The following ACTN4 variants were observed in gnomAD, a reference collection of about 807,000 sequenced individuals.
The protein encoded by ACTN4 is actinin alpha 4, also known as alpha-actinin-4.
In ACTN4, 18 loss-of-function variants were observed where a neutral mutation model predicts 114.2. That is an observed-to-expected ratio of 0.16 (90% CI 0.11 to 0.23). The LOEUF (loss-of-function observed/expected upper bound fraction) is 0.23. Among genes scored for constraint, ACTN4 ranks in the 10% least tolerant of loss-of-function variants. The pLI is 1.00. For missense variants in ACTN4, 722 were observed against 1,262.9 expected, an observed-to-expected ratio of 0.57 and a Z score of 6.49; for synonymous variants, 515 against 506.3, an observed-to-expected ratio of 1.02 and a Z score of -0.23.
rs1269882430 is a variant in ACTN4, at chr19:38,727,284, C to T, written c.2337+181C>T. ...AGGTGTGCGGCACCAAGACCCCAGC[C>T]TGGGCCACTTCACACGCACAGGCAG... is the stretch of plus-strand genomic sequence containing the variant. On this transcript the variant is annotated intron_variant, in intron 18 of 20. Coordinates refer to ENST00000252699, the MANE Select transcript of ACTN4 (RefSeq NM_004924.6). This position sits in a 1 kb window ranked among gnomAD's most constrained non-coding sequence, Gnocchi z 5.4. Among the ~76,000 whole-genome samples, 1 of 152,172 alleles carries T rather than the reference C, an allele frequency of 6.6e-6. No individual in the cohort carries two copies. The highest frequency in any genetic ancestry group is 1.5e-5 in the Non-Finnish European group (1 of 68,006).
intron 1 of ACTN4, chr19:38,693,387 C>G (rs147042236): frequency 2.6e-5 from 4 of 152,610 alleles, no homozygotes; most frequent in African/African-American, 9.6e-5. Flanking sequence ...CCCTCCACCC[C>G]CTTCAGTTCT....
Position 38,730,013 on chromosome 19 carries a change from C to T in ACTN4, c.*581C>T, listed in dbSNP as rs1053973072. 4 of 267,592 alleles carry T rather than the reference C, an allele frequency of 1.5e-5. No individual in the cohort carries two copies. Among genetic ancestry groups the T allele is most frequent in the East Asian group, 1.1e-4 (1 of 9,108 alleles). 16.6% of individuals were successfully genotyped at this position (267,592 alleles called of 1,614,324 possible). ...GAGGAGCTGAGTTGGCAGACCGGGC[C>T]CCCCTGAACCGCACCCCATCCCACC... On this transcript the variant is annotated 3_prime_UTR_variant, in exon 21 of 21. Coordinates refer to ENST00000252699, the MANE Select transcript of ACTN4 (RefSeq NM_004924.6).
intron 1 of ACTN4, among the ~76,000 whole-genome samples, chr19:38,689,912 A>G (rs532630341): frequency 6.6e-6 from 1 of 152,162 alleles, no homozygotes; most frequent in Admixed American, 6.5e-5. Context: ...TGGATTTCCT[A>G]GGCCGACTAA....
rs1484520553 is a variant in ACTN4, at chr19:38,725,916, C to T, written c.2190+13C>T. The T allele has an allele frequency of 3.1e-6, 5 of 1,613,278 alleles. No individual in the cohort carries two copies. The highest frequency in any genetic ancestry group is 4.2e-6 in the Non-Finnish European group (5 of 1,180,048). ...CTATACCATGGAGGTGCGCGGCTGC[C>T]CCGCCCGCTGGCCTTTCCACCAGCA... On this transcript the variant is annotated intron_variant, in intron 17 of 20. Transcript: ENST00000252699.
At position 38,700,680 on chromosome 19, in the gene ACTN4, G is replaced by A. The variant is rs764622662; in HGVS notation, c.243G>A (p.Gly81=). 1 of 1,614,102 alleles carries A rather than the reference G, an allele frequency of 6.2e-7. No individual in the cohort carries two copies. The highest frequency in any genetic ancestry group is 1.1e-5 in the South Asian group (1 of 91,086). ...ACATTGATGAGGACTTCCGAGACGG[G>A]CTCAAGCTCATGCTGCTCCTGGAGG... is the stretch of plus-strand genomic sequence containing the variant. ...IENIDEDFRD[G]LKLMLLLEVI... The change falls in exon 2 of 21, where the codon GGG becomes GGA. Residue 81 remains glycine (G), a synonymous_variant. Transcript: ENST00000252699.
In ACTN4 at chr19:38,724,510, G is replaced by A. The variant is rs1181047009; in HGVS notation, c.1955G>A (p.Arg652His). ...CAGCAGTCCAACGAGCACCTGCGCCGCCAGTTCGCCAGCCAGGCCAATGTT... is the reference window on the plus strand; with the variant it reads ...CAGCAGTCCAACGAGCACCTGCGCCACCAGTTCGCCAGCCAGGCCAATGTT... ...SKQQSNEHLRRQFASQANVVG... is the reference protein window; with the variant it reads ...SKQQSNEHLRHQFASQANVVG... Residue 652 changes from arginine to histidine, a missense_variant, in exon 16 of 21, where the codon CGC becomes CAC. Physicochemically the swap from Arg to His is conservative, Grantham distance 29. This residue lies in a region of ACTN4 where 523 missense variants were observed against 875.9 expected (regional missense o/e 0.60). Coordinates refer to ENST00000252699, the MANE Select transcript of ACTN4 (RefSeq NM_004924.6). The surrounding 1 kb of genome is among the most constrained non-coding windows in gnomAD (Gnocchi z 7.0). 9 of 1,613,158 alleles carry A rather than the reference G, an allele frequency of 5.6e-6. No homozygotes were observed. Among genetic ancestry groups the A allele is most frequent in the Middle Eastern group, 1.6e-4 (1 of 6,080 alleles).
chr19:38,653,167 G>C (rs956272806), intron 1 of ACTN4, among the ~76,000 whole-genome samples: 2 of 151,972 alleles, frequency 1.3e-5, no homozygotes, highest in African/African-American at 4.8e-5. Context: ...GAGTTCTGCT[G>C]TTTCAACATA....
chr19:38,675,605 G>T (rs984956723), intron 1 of ACTN4, among the ~76,000 whole-genome samples: 7 of 152,228 alleles, frequency 4.6e-5, no homozygotes, highest in Non-Finnish European at 4.4e-5. Context: ...CTTGAGCCGC[G>T]TTCTTGATCG....
chr19:38,727,181 T>C lies in ACTN4; in HGVS notation c.2337+78T>C, dbSNP rs1969264230. 1.9e-6 allele frequency: 3 copies of C among 1,603,860 alleles called. No individual in the cohort carries two copies. The highest frequency in any genetic ancestry group is 3.4e-5 in the Admixed American group (2 of 59,308). ...GCCCACACCTTCGTCTCTGCATCTG[T>C]TCGTCCATTCCCATCACAGTTGCTG... On this transcript the variant is annotated intron_variant, in intron 18 of 20. Coordinates refer to ENST00000252699, the MANE Select transcript of ACTN4 (RefSeq NM_004924.6). The surrounding 1 kb of genome is among the most constrained non-coding windows in gnomAD (Gnocchi z 5.4).
In ACTN4 at chr19:38,729,544, C is replaced by A. The variant is rs1353019687; in HGVS notation, c.*112C>A. The A allele has an allele frequency of 3.4e-6, 1 of 293,772 alleles. No individual in the cohort carries two copies. Among genetic ancestry groups the A allele is most frequent in the Non-Finnish European group, 4.8e-6 (1 of 210,344 alleles). 18.2% of individuals were successfully genotyped at this position (293,772 alleles called of 1,614,324 possible). A position where few individuals can be genotyped will look rare whatever the true frequency, so the allele number is the denominator to read the frequency against. ...ATGCAAAGCACTCTCTGCAGTCCTCCGGGGTGGGTGGGTGGGCAGGGAGGG... is the reference window on the plus strand; with the variant it reads ...ATGCAAAGCACTCTCTGCAGTCCTCAGGGGTGGGTGGGTGGGCAGGGAGGG... On this transcript the variant is annotated 3_prime_UTR_variant, in exon 21 of 21. Coordinates refer to ENST00000252699, the MANE Select transcript of ACTN4 (RefSeq NM_004924.6).
chr19:38,708,065 C>G (rs758998622), intron 5 of ACTN4, 52 bp from the exon 6 acceptor site: 72 of 1,579,316 alleles, frequency 4.6e-5, no homozygotes, highest in Non-Finnish European at 5.8e-5. Flanking sequence ...CCATACGGCA[C>G]TCTCATGACA....
At chr19:38,653,413 TAA>T (rs764884569) in intron 1 of ACTN4, among the ~76,000 whole-genome samples, 27 of 140,576 alleles carry the variant, frequency 1.9e-4, no homozygotes, top group Non-Finnish European at 1.9e-4. Flanking sequence ...GGTTGTTCTT[TAA>T]AAAAAAAAAA....
chr19:38,722,059 C>T (rs1969063642), intron 12 of ACTN4, among the ~76,000 whole-genome samples: 1 of 152,230 alleles, frequency 6.6e-6, no homozygotes, highest in Non-Finnish European at 1.5e-5. Flanking sequence ...CCATAGGTCC[C>T]TGAGGGAACC....
Position 38,727,034 on chromosome 19 carries a change from C to A in ACTN4, c.2268C>A (p.Thr756=), listed in dbSNP as rs780692731. ...ACGAGGTGGAGAACCAGATCCTCACCCGCGACGCCAAGGGCATCAGCCAGG... is the reference window on the plus strand; with the variant it reads ...ACGAGGTGGAGAACCAGATCCTCACACGCGACGCCAAGGGCATCAGCCAGG... ...TINEVENQIL[T]RDAKGISQEQ... is the part of the protein sequence containing the mutation. The change falls in exon 18 of 21, where the codon ACC becomes ACA. Residue 756 remains threonine, a synonymous_variant. Transcript: ENST00000252699. The surrounding 1 kb of genome is among the most constrained non-coding windows in gnomAD (Gnocchi z 5.4). The A allele has an allele frequency of 1.9e-6, 3 of 1,614,042 alleles. No individual in the cohort carries two copies. The highest frequency in any genetic ancestry group is 2.5e-6 in the Non-Finnish European group (3 of 1,180,044).
intron 1 of ACTN4, among the ~76,000 whole-genome samples, chr19:38,689,311 A>G (rs1051612399): frequency 2.0e-5 from 3 of 152,358 alleles, no homozygotes; most frequent in Non-Finnish European, 2.9e-5. Flanking sequence ...GGAGAAGCCA[A>G]ACTCAAAGAT....
Position 38,717,049 on chromosome 19 carries a change from C to T in ACTN4, c.913-37C>T. On this transcript the variant is annotated intron_variant, in intron 9 of 20. Coordinates refer to ENST00000252699, the MANE Select transcript of ACTN4 (RefSeq NM_004924.6). This position sits in a 1 kb window ranked among gnomAD's most constrained non-coding sequence, Gnocchi z 4.0. The stretch of plus-strand genomic sequence containing the variant: ...GGCAGCCCGTCAGCACTCTGAGGGT[C>T]CCCCACAAAGGCCACGCTGGCTTCT... The T allele has an allele frequency of 6.3e-7, 1 of 1,588,868 alleles. No individual in the cohort carries two copies. The highest frequency in any genetic ancestry group is 8.6e-7 in the Non-Finnish European group (1 of 1,166,204).
In ACTN4 at chr19:38,730,689, T is replaced by C. The variant is rs1424300300; in HGVS notation, c.*1257T>C. 1 of 753,016 alleles carries C rather than the reference T, an allele frequency of 1.3e-6. No homozygotes were observed. The highest frequency in any genetic ancestry group is 2.7e-5 in the East Asian group (1 of 37,220). The allele number at this position is 753,016 out of a possible 1,614,324, so 46.6% of individuals were successfully genotyped here. A position where few individuals can be genotyped will look rare whatever the true frequency, so the allele number is the denominator to read the frequency against. The stretch of plus-strand genomic sequence containing the variant: ...GCTGTTCTTGTTTCTGAGTGAGGAG[T>C]ACGCAGGCCAGAGTGGTCACCCGGC... On this transcript the variant is annotated 3_prime_UTR_variant, in exon 21 of 21. Transcript: ENST00000252699.
chr19:38,721,016 G>A (rs1417309848), intron 11 of ACTN4, among the ~76,000 whole-genome samples: 1 of 152,210 alleles, frequency 6.6e-6, no homozygotes, highest in Non-Finnish European at 1.5e-5. Flanking sequence ...TGGTGGGCCC[G>A]CCCCAATGCA....
chr19:38,715,422 G>A (rs1383451610), intron 9 of ACTN4, among the ~76,000 whole-genome samples: 1 of 152,160 alleles, frequency 6.6e-6, no homozygotes, highest in East Asian at 1.9e-4. Context: ...GCTTGAGCCT[G>A]GGAGGCAGAG....
Sources: allele counts gnomAD v4.1 joint callset (sites outside exome capture counted in the v4.1 genomes callset), GRCh38; gene constraint gnomAD v4.1.1; regional missense constraint gnomAD v4.1.1; non-coding constraint Gnocchi (gnomAD v3.1); transcripts MANE v1.5; gene names NCBI Gene and HGNC (gene_info 2026-07-23, HGNC 2026-07-21).